Variants in LRBA observed in about 807,000 individuals in gnomAD.
The protein encoded by LRBA is lipopolysaccharide-responsive and beige-like anchor protein.
In LRBA, 176 loss-of-function variants were observed where a neutral mutation model predicts 330.0. The observed-to-expected ratio is 0.53, with a 90% CI of 0.47 to 0.60. The LOEUF (loss-of-function observed/expected upper bound fraction) is 0.60, where lower values mean the gene tolerates loss of function less well. Among genes scored for constraint, LRBA ranks in the 20% least tolerant of loss-of-function variants. The pLI, the probability that LRBA is intolerant of heterozygous loss-of-function variation, is 0.00. For synonymous variants in LRBA, 1,230 were observed against 1,193.0 expected (o/e 1.03, Z -0.64); for missense variants, 3,259 against 3,444.8 (o/e 0.95, Z 1.35).
intron 2 of LRBA, among the ~76,000 whole-genome samples, chr4:151,005,900 G>A (rs1011006071): frequency 2.7e-5 from 4 of 150,000 alleles, no homozygotes; most frequent in Non-Finnish European, 4.4e-5. Context: ...CACCATGCCC[G>A]GCAACACTGT....
intron 47 of LRBA, among the ~76,000 whole-genome samples, chr4:150,357,654 T>A (rs1738056653): frequency 6.9e-6 from 1 of 144,698 alleles, no homozygotes; most frequent in Non-Finnish European, 1.5e-5. Flanking sequence ...TATTGAGCTT[T>A]TTTTTTTTTT....
chr4:150,809,915 GATACGAT>G (rs1426366803), intron 31 of LRBA, among the ~76,000 whole-genome samples: 13 of 124,546 alleles, frequency 1.0e-4, no homozygotes, highest in African/African-American at 4.0e-4. Flanking sequence ...GATACGATAC[GATACGAT>G]ACGATACGAT....
At chr4:150,412,951 C>A (rs981789347) in intron 47 of LRBA, among the ~76,000 whole-genome samples, 4 of 151,398 alleles carry the variant, frequency 2.6e-5, no homozygotes, top group African/African-American at 2.4e-5. Flanking sequence ...AAAATATTTT[C>A]AAAATATATG....
intron 30 of LRBA, among the ~76,000 whole-genome samples, chr4:150,820,758 G>A (rs1745316283): frequency 6.6e-6 from 1 of 151,940 alleles, no homozygotes; most frequent in Non-Finnish European, 1.5e-5. Context: ...ACCAATCATT[G>A]TCATTATTAC....
chr4:150,578,779 AAGGTT>A (rs1438093019), intron 40 of LRBA, among the ~76,000 whole-genome samples: 2 of 152,214 alleles, frequency 1.3e-5, no homozygotes, highest in African/African-American at 4.8e-5. Context: ...GAGAAGTCTG[AAGGTT>A]ACGGACTACC....
intron 40 of LRBA, among the ~76,000 whole-genome samples, chr4:150,540,970 T>G (rs13151692): frequency 0.43 from 64,742 of 152,020 alleles, 14,998 homozygotes; most frequent in Admixed American, 0.51. Flanking sequence ...ACCATTACTG[T>G]CCTCAAAAAA....
At chr4:150,496,628 A>G (rs1759620184) in intron 40 of LRBA, among the ~76,000 whole-genome samples, 1 of 152,088 alleles carries the variant, frequency 6.6e-6, no homozygotes, top group African/African-American at 2.4e-5. Context: ...CATCAATAAA[A>G]GGTATTTTAA....
In LRBA at chr4:151,009,028, A is replaced by ATATATAT. The variant is rs1162834506; in HGVS notation, c.216+5398_216+5399insATATATA. ...ATATATATATATATATATATATATAAAATGGTATTTTTTTTTCTTATACAG... is the reference window on the plus strand; with the variant it reads ...ATATATATATATATATATATATATAATATATATAATGGTATTTTTTTTTCTTATACAG... On this transcript the variant is annotated intron_variant, in intron 2 of 56. Coordinates refer to ENST00000651943, the MANE Select transcript of LRBA (RefSeq NM_001364905.1). Among the ~76,000 whole-genome samples the ATATATAT allele has an allele frequency of 2.5e-3, 31 of 12,330 alleles. 7 individuals carry two copies. The highest frequency in any genetic ancestry group is 9.1e-3 in the African/African-American group (26 of 2,870). 8.1% of individuals were successfully genotyped at this position (12,330 alleles called of 152,430 possible).
At chr4:150,437,012 A>G in intron 44 of LRBA, 148 bp from the exon 45 acceptor site, 1 of 694,434 alleles carries the variant, frequency 1.4e-6, no homozygotes, top group African/African-American at 1.8e-5. Context: ...TCATATTGGG[A>G]GTAAAAAGCA....
chr4:150,921,354 T>C (rs1342449582), intron 4 of LRBA, 61 bp from the exon 5 acceptor site: 3 of 952,372 alleles, frequency 3.2e-6, no homozygotes, highest in Non-Finnish European at 5.2e-6. Flanking sequence ...AAAAAACACA[T>C]CTTTAATATA....
At chr4:150,836,699 G>A (rs1748148669) in intron 28 of LRBA, among the ~76,000 whole-genome samples, 1 of 151,844 alleles carries the variant, frequency 6.6e-6, no homozygotes, top group Non-Finnish European at 1.5e-5. Context: ...TTCTTTATTA[G>A]TCTTGCTAGT....
At chr4:150,880,563 G>A (rs1003855902) in intron 17 of LRBA, among the ~76,000 whole-genome samples, 1 of 151,442 alleles carries the variant, frequency 6.6e-6, no homozygotes, top group African/African-American at 2.4e-5. Flanking sequence ...TGGATTAAAG[G>A]TTTAAATGTA....
intron 37 of LRBA, among the ~76,000 whole-genome samples, chr4:150,658,971 G>A (rs1200527475): frequency 2.4e-5 from 2 of 83,836 alleles, no homozygotes; most frequent in East Asian, 4.5e-4. Context: ...CGCCAACCTC[G>A]GCCTCCCGAG....
At position 150,265,483 on chromosome 4, in the gene LRBA, C is replaced by T. The variant is rs974516717; in HGVS notation, c.*239G>A. ...CCATAATTGGTGAAAATAGACTTCT[C>T]ATTATGACTAAAAATATAGATTTTT... is the stretch of plus-strand genomic sequence containing the variant. On this transcript the variant is annotated 3_prime_UTR_variant, in exon 57 of 57. Transcript: ENST00000651943. The T allele has an allele frequency of 8.1e-6, 3 of 372,056 alleles. No individual in the cohort carries two copies. The highest frequency in any genetic ancestry group is 6.9e-5 in the South Asian group (2 of 28,810). 23.0% of individuals were successfully genotyped at this position (372,056 alleles called of 1,614,324 possible).
At chr4:150,317,005 G>A (rs963441815) in intron 50 of LRBA, among the ~76,000 whole-genome samples, 2 of 152,036 alleles carry the variant, frequency 1.3e-5, no homozygotes, top group Non-Finnish European at 2.9e-5. Context: ...CATGGCCCTG[G>A]TGGGTGTGTG....
At chr4:150,505,758 CA>C (rs1292007297) in intron 40 of LRBA, among the ~76,000 whole-genome samples, 1 of 151,944 alleles carries the variant, frequency 6.6e-6, no homozygotes, top group Non-Finnish European at 1.5e-5. Flanking sequence ...AATAGAGACA[CA>C]AAAAACCCTT....
rs1324060810 is a variant in LRBA at position 150,690,974 on chromosome 4, G to A, written c.5755-7257C>T. 2.7e-5 allele frequency among the ~76,000 whole-genome samples: 4 copies of A among 148,042 alleles called. No homozygotes were observed. In the Admixed American group the frequency reaches 2.7e-4, roughly 10 times the overall value. Reference sequence around the variant, plus strand: ...AGACAGAGTCTCGCTCTGTCGCCCAGGCTGGAGTGCAGTGGCTCAATCTCA... The same window carrying A: ...AGACAGAGTCTCGCTCTGTCGCCCAAGCTGGAGTGCAGTGGCTCAATCTCA... On this transcript the variant is annotated intron_variant, in intron 36 of 56. Transcript: ENST00000651943.
At chr4:150,380,805 G>A (rs532069295) in intron 47 of LRBA, among the ~76,000 whole-genome samples, 45 of 126,368 alleles carry the variant, frequency 3.6e-4, no homozygotes, top group Non-Finnish European at 5.8e-4. Context: ...GTGAAACCCC[G>A]TCTCTACTAA....
chr4:150,587,548 T>C (rs552236867), intron 40 of LRBA, among the ~76,000 whole-genome samples: 27 of 152,354 alleles, frequency 1.8e-4, no homozygotes, highest in African/African-American at 6.3e-4. Context: ...TAGAAAATTA[T>C]GCAGTGCCTT....
Sources: allele counts gnomAD v4.1 joint callset (sites outside exome capture counted in the v4.1 genomes callset), GRCh38; gene constraint gnomAD v4.1.1; transcripts MANE v1.5; gene names NCBI Gene and HGNC (gene_info 2026-07-23, HGNC 2026-07-21).